TGFB2: variants seen among roughly 807,000 people sequenced by gnomAD.
TGFB2 encodes the protein transforming growth factor beta 2, also known as transforming growth factor beta-2 proprotein.
A neutral mutation model predicts 42.7 loss-of-function variants in TGFB2; 13 were observed. That is an observed-to-expected ratio of 0.30 (90% CI 0.20 to 0.48). The LOEUF is 0.48. Ranked by LOEUF, TGFB2 falls within the 20% of genes least tolerant of loss-of-function variation. TGFB2 has a pLI of 0.99. For synonymous variants in TGFB2, 193 were observed against 193.6 expected, an observed-to-expected ratio of 1.00 and a Z score of 0.03; for missense variants, 390 against 517.5, an observed-to-expected ratio of 0.75 and a Z score of 2.39.
intron 1 of TGFB2, among the ~76,000 whole-genome samples, chr1:218,397,151 C>T (rs1312573349): frequency 6.6e-6 from 1 of 151,708 alleles, no homozygotes; most frequent in East Asian, 1.9e-4. Context: ...GCCTGTAATC[C>T]CAGCTACTCA....
chr1:218,411,703 A>G (rs1659103088), intron 2 of TGFB2, among the ~76,000 whole-genome samples: 1 of 151,972 alleles, frequency 6.6e-6, no homozygotes, highest in Non-Finnish European at 1.5e-5. Flanking sequence ...CATCTCTACT[A>G]AAAATACAAA....
At chr1:218,378,400 G>C (rs574099811) in intron 1 of TGFB2, among the ~76,000 whole-genome samples, 42 of 152,110 alleles carry the variant, frequency 2.8e-4, no homozygotes, top group African/African-American at 8.9e-4. Context: ...TGGTTTCGAA[G>C]TCCTGACCTC....
intron 1 of TGFB2, among the ~76,000 whole-genome samples, chr1:218,389,582 T>C (rs550370467): frequency 1.3e-5 from 2 of 152,300 alleles, no homozygotes; most frequent in African/African-American, 4.8e-5. Context: ...AGAGGAGTTA[T>C]CAATTTTCCC....
At chr1:218,355,828 A>G (rs1657014315) in intron 1 of TGFB2, among the ~76,000 whole-genome samples, 1 of 152,246 alleles carries the variant, frequency 6.6e-6, no homozygotes. Context: ...ATTAGTTATA[A>G]CATTAACTAA....
intron 1 of TGFB2, among the ~76,000 whole-genome samples, chr1:218,394,556 A>G (rs910121832): frequency 6.6e-5 from 10 of 152,094 alleles, no homozygotes; most frequent in Non-Finnish European, 1.2e-4. Flanking sequence ...GATGAAGGCC[A>G]AGTCACGTAA....
chr1:218,368,469 A>G (rs981406077), intron 1 of TGFB2, among the ~76,000 whole-genome samples: 2 of 152,356 alleles, frequency 1.3e-5, no homozygotes, highest in African/African-American at 2.4e-5. Flanking sequence ...ATTTACTTGT[A>G]TCAGGCAGCA....
intron 1 of TGFB2, among the ~76,000 whole-genome samples, chr1:218,362,007 T>G (rs752396615): frequency 1.3e-4 from 20 of 152,132 alleles, no homozygotes; most frequent in Non-Finnish European, 1.5e-5. Flanking sequence ...AGTTAAAGAG[T>G]GTTCCGCCTA....
At chr1:218,347,982 A>ACCAGCTG (rs1656746906) in intron 1 of TGFB2, among the ~76,000 whole-genome samples, 1 of 151,012 alleles carries the variant, frequency 6.6e-6, no homozygotes. Context: ...TGTCCTCAAA[A>ACCAGCTG]CCAGCTGGCA....
chr1:218,356,201 AG>A (rs1426377062), intron 1 of TGFB2, among the ~76,000 whole-genome samples: 3 of 152,058 alleles, frequency 2.0e-5, no homozygotes, highest in Non-Finnish European at 4.4e-5. Context: ...TTTGTTTCAA[AG>A]GGTATATAAA....
At chr1:218,419,298 C>G (rs545856399) in intron 2 of TGFB2, among the ~76,000 whole-genome samples, 1 of 152,282 alleles carries the variant, frequency 6.6e-6, no homozygotes, top group African/African-American at 2.4e-5. Context: ...ACCCACAGTG[C>G]TTTTCCCAAC....
chr1:218,429,035 C>A (rs1214991519), intron 2 of TGFB2, among the ~76,000 whole-genome samples: 3 of 136,980 alleles, frequency 2.2e-5, no homozygotes, highest in African/African-American at 8.2e-5. Context: ...GGCTGGAGTG[C>A]AGTGGCACGA....
chr1:218,414,231 A>G (rs12406538), intron 2 of TGFB2, among the ~76,000 whole-genome samples: 18,628 of 149,684 alleles, frequency 0.12, 1,365 homozygotes, highest in South Asian at 0.2. Context: ...ACATGTGCAC[A>G]CACACACACA....
At chr1:218,409,609 C>T (rs1226640620) in intron 2 of TGFB2, among the ~76,000 whole-genome samples, 2 of 151,942 alleles carry the variant, frequency 1.3e-5, no homozygotes, top group Non-Finnish European at 1.5e-5. Flanking sequence ...GGAAACTGAA[C>T]ACATGCAATA....
intron 1 of TGFB2, among the ~76,000 whole-genome samples, chr1:218,387,420 G>C (rs1658172390): frequency 6.6e-6 from 1 of 152,272 alleles, no homozygotes; most frequent in Non-Finnish European, 1.5e-5. Flanking sequence ...ATTGAAGTAG[G>C]CTTGCTTGGT....
Position 218,388,102 on chromosome 1 carries a change from A to C in TGFB2, c.347-17067A>C, listed in dbSNP as rs146403952. Among the ~76,000 whole-genome samples, 585 of 152,332 alleles carry C rather than the reference A, an allele frequency of 3.8e-3. 7 individuals carry two copies. The highest frequency in any genetic ancestry group is 0.013 in the African/African-American group (529 of 41,568). ...GACGTGGAATTAGGCATAGTATATA[A>C]TTAGAGTAGAGCTATGGAGAAGGCA... is the stretch of plus-strand genomic sequence containing the variant. On this transcript the variant is annotated intron_variant, in intron 1 of 6. Transcript: ENST00000366930.
At chr1:218,427,747 G>T (rs1222066865) in intron 2 of TGFB2, among the ~76,000 whole-genome samples, 1 of 152,138 alleles carries the variant, frequency 6.6e-6, no homozygotes, top group Non-Finnish European at 1.5e-5. Flanking sequence ...TGGGCATTTG[G>T]GTTGGTTCCA....
intron 1 of TGFB2, among the ~76,000 whole-genome samples, chr1:218,388,650 A>G (rs1658216806): frequency 6.6e-6 from 1 of 152,174 alleles, no homozygotes; most frequent in South Asian, 2.1e-4. Context: ...GAGCCGCTGA[A>G]TAGCTGATCC....
intron 1 of TGFB2, 148 bp from the exon 2 acceptor site, chr1:218,405,021 G>A: frequency 1.2e-6 from 1 of 805,042 alleles, no homozygotes; most frequent in East Asian, 2.6e-5. Context: ...TTTTTTTCTG[G>A]TTACATTGTT....
chr1:218,394,966 C>G (rs1658450249), intron 1 of TGFB2, among the ~76,000 whole-genome samples: 1 of 152,096 alleles, frequency 6.6e-6, no homozygotes, highest in African/African-American at 2.4e-5. Flanking sequence ...TGGGGAATGG[C>G]TAATGAACCC....
Sources: allele counts gnomAD v4.1 joint callset (sites outside exome capture counted in the v4.1 genomes callset), GRCh38; gene constraint gnomAD v4.1.1; transcripts MANE v1.5; gene names NCBI Gene and HGNC (gene_info 2026-07-23, HGNC 2026-07-21).